The following LTBP1 variants were observed in gnomAD, a reference collection of about 807,000 sequenced individuals.
LTBP1 encodes latent transforming growth factor beta binding protein 1.
LTBP1 carries 129 observed loss-of-function variants against 207.6 expected under a neutral mutation model. The observed-to-expected ratio is 0.62, with a 90% confidence interval of 0.54 to 0.72. LTBP1 has a LOEUF of 0.72. LTBP1 is among the 30% of genes least tolerant of loss of function. LTBP1 has a pLI of 0.00. For missense variants in LTBP1, 2,281 were observed against 2,217.2 expected, an observed-to-expected ratio of 1.03 and a Z score of -0.58; for synonymous variants, 963 against 833.7, an observed-to-expected ratio of 1.16 and a Z score of -2.67.
chr2:33,331,758 A>G (rs1169126475), intron 24 of LTBP1, among the ~76,000 whole-genome samples: 1 of 152,164 alleles, frequency 6.6e-6, no homozygotes, highest in African/African-American at 2.4e-5. Context: ...TTGTCTGCTT[A>G]CTATATAAAT....
chr2:33,293,374 C>A, intron 20 of LTBP1, 92 bp downstream of exon 20: 1 of 1,320,688 alleles, frequency 7.6e-7, no homozygotes, highest in African/African-American at 1.5e-5. Context: ...ACCCTGCTAC[C>A]TGTGTTTATT....
intron 2 of LTBP1, among the ~76,000 whole-genome samples, chr2:32,992,349 A>G (rs1558484695): frequency 6.6e-6 from 1 of 152,194 alleles, no homozygotes; most frequent in Admixed American, 6.5e-5. Context: ...GGAGATAGGC[A>G]GGTAGGATAT....
chr2:33,202,080 A>G (rs569082757), intron 7 of LTBP1, among the ~76,000 whole-genome samples: 107 of 135,742 alleles, frequency 7.9e-4, no homozygotes, highest in Non-Finnish European at 1.2e-3. Context: ...TAAAGGGCCA[A>G]ATAGATATAC....
At chr2:33,115,721 T>G (rs988726930) in intron 4 of LTBP1, among the ~76,000 whole-genome samples, 1 of 152,152 alleles carries the variant, frequency 6.6e-6, no homozygotes, top group African/African-American at 2.4e-5. Context: ...GTGTTTAGTT[T>G]AGTAATTTTT....
Position 33,100,077 on chromosome 2 carries a change from G to A in LTBP1, c.864-10505G>A, listed in dbSNP as rs148442539. On this transcript the variant is annotated intron_variant, in intron 3 of 33. Transcript: ENST00000404816. ...GGGGAGTGAGCAAAATTAGGCAGGA[G>A]AGTTCTCCCAGGTAAGTGGATAAAG... Among the ~76,000 whole-genome samples, 515 of 152,284 alleles carry A rather than the reference G, an allele frequency of 3.4e-3. 3 individuals carry two copies. Among genetic ancestry groups the A allele is most frequent in the African/African-American group, 0.012 (502 of 41,550 alleles).
chr2:33,328,666 C>G (rs1303924723), intron 24 of LTBP1, among the ~76,000 whole-genome samples: 1 of 152,180 alleles, frequency 6.6e-6, no homozygotes, highest in Non-Finnish European at 1.5e-5. Context: ...CTTGCCTCCA[C>G]CTAGTTCTGC....
rs563038087 is a variant in LTBP1, at chr2:33,125,057, A to T, written c.1034-9736A>T. 4.9e-4 allele frequency among the ~76,000 whole-genome samples: 75 copies of T among 152,396 alleles called. No homozygotes were observed. In the South Asian group the frequency reaches 0.015, roughly 30 times the overall value. ...AGATATCTCGCATACTGCAGAACACATCACATAGGTGCTCAATCTATGCTT... is the reference window on the plus strand; with the variant it reads ...AGATATCTCGCATACTGCAGAACACTTCACATAGGTGCTCAATCTATGCTT... On this transcript the variant is annotated intron_variant, in intron 4 of 33. Coordinates refer to ENST00000404816, the MANE Select transcript of LTBP1 (RefSeq NM_206943.4).
intron 26 of LTBP1, among the ~76,000 whole-genome samples, chr2:33,354,796 T>C (rs1274144640): frequency 6.6e-6 from 1 of 151,828 alleles, no homozygotes; most frequent in Non-Finnish European, 1.5e-5. Flanking sequence ...GGCTGGAGTG[T>C]AGTGTACGAT....
chr2:33,101,699 T>TC (rs1240959958), intron 3 of LTBP1, among the ~76,000 whole-genome samples: 1 of 152,228 alleles, frequency 6.6e-6, no homozygotes, highest in Non-Finnish European at 1.5e-5. Context: ...AGTTAGGTTT[T>TC]CTCTGGCCCT....
intron 24 of LTBP1, among the ~76,000 whole-genome samples, chr2:33,321,767 A>G (rs2094357960): frequency 6.6e-6 from 1 of 152,208 alleles, no homozygotes; most frequent in Non-Finnish European, 1.5e-5. Flanking sequence ...TCTGAAACTG[A>G]AAACTGTACT....
At chr2:33,131,723 A>G (rs1409989797) in intron 4 of LTBP1, among the ~76,000 whole-genome samples, 2 of 152,254 alleles carry the variant, frequency 1.3e-5, no homozygotes, top group Non-Finnish European at 1.5e-5. Flanking sequence ...TTTTATTTTT[A>G]TATGAAATAA....
In LTBP1 at chr2:33,078,863, T is replaced by TTTTA. The variant is rs1491502487; in HGVS notation, c.864-31716_864-31715insATTT. On this transcript the variant is annotated intron_variant, in intron 3 of 33. Coordinates refer to ENST00000404816, the MANE Select transcript of LTBP1 (RefSeq NM_206943.4). ...TTCTGTTTTCTTTTCTTTTCTTTTC[T>TTTTA]TTTTTTTTTTTTTTGAGACAGAGTC... Among the ~76,000 whole-genome samples, 2 of 85,466 alleles carry TTTTA rather than the reference T, an allele frequency of 2.3e-5. 1 individual carries two copies. Among genetic ancestry groups the TTTTA allele is most frequent in the Non-Finnish European group, 5.6e-5 (2 of 35,442 alleles). The allele number at this position is 85,466 out of a possible 152,430, so 56.1% of individuals were successfully genotyped here.
At chr2:33,230,684 T>C (rs538780456) in intron 9 of LTBP1, among the ~76,000 whole-genome samples, 7 of 152,338 alleles carry the variant, frequency 4.6e-5, no homozygotes, top group African/African-American at 1.4e-4. Flanking sequence ...TACCCTCTTT[T>C]GTCCATATTT....
intron 31 of LTBP1, among the ~76,000 whole-genome samples, chr2:33,376,125 A>C (rs948316041): frequency 6.6e-6 from 1 of 152,238 alleles, no homozygotes; most frequent in African/African-American, 2.4e-5. Context: ...ATATTTAATT[A>C]GCTCTTATAA....
At chr2:33,376,713 G>C (rs2095144170) in intron 31 of LTBP1, among the ~76,000 whole-genome samples, 1 of 152,142 alleles carries the variant, frequency 6.6e-6, no homozygotes, top group South Asian at 2.1e-4. Context: ...CCTCCCGTAG[G>C]AATCAGATAC....
chr2:33,080,505 T>C (rs1258980506), intron 3 of LTBP1, among the ~76,000 whole-genome samples: 1 of 152,222 alleles, frequency 6.6e-6, no homozygotes, highest in African/African-American at 2.4e-5. Flanking sequence ...ATATTTCTAT[T>C]TGTCAAATCT....
intron 7 of LTBP1, among the ~76,000 whole-genome samples, chr2:33,206,973 G>C (rs2089933552): frequency 6.6e-6 from 1 of 152,062 alleles, no homozygotes; most frequent in Non-Finnish European, 1.5e-5. Flanking sequence ...TTGCCCCAAG[G>C]AAAGGCTAAC....
intron 2 of LTBP1, among the ~76,000 whole-genome samples, chr2:32,975,994 A>T (rs978479516): frequency 3.9e-5 from 6 of 152,144 alleles, no homozygotes; most frequent in African/African-American, 1.2e-4. Context: ...TTGAACTGCC[A>T]GAGTTCTTGT....
chr2:33,136,724 A>G (rs1363202944), intron 5 of LTBP1, among the ~76,000 whole-genome samples: 1 of 152,212 alleles, frequency 6.6e-6, no homozygotes, highest in Admixed American at 6.5e-5. Flanking sequence ...TTGAAACTAA[A>G]TATTTTGAAG....
Sources: allele counts gnomAD v4.1 joint callset (sites outside exome capture counted in the v4.1 genomes callset), GRCh38; gene constraint gnomAD v4.1.1; transcripts MANE v1.5; gene names NCBI Gene and HGNC (gene_info 2026-07-23, HGNC 2026-07-21).